The following RASGRF1 variants were observed in gnomAD, a reference collection of about 807,000 sequenced individuals.
RASGRF1 encodes the protein ras-specific guanine nucleotide-releasing factor 1.
A neutral mutation model predicts 138.7 loss-of-function variants in RASGRF1; 40 were observed. The observed-to-expected ratio is 0.29, with a 90% CI of 0.22 to 0.38. RASGRF1 has a LOEUF of 0.38. Ranked by LOEUF, RASGRF1 falls within the 10% of genes least tolerant of loss-of-function variation. The pLI, the probability that RASGRF1 is intolerant of heterozygous loss-of-function variation, is 1.00. For missense variants in RASGRF1, 1,108 were observed against 1,650.4 expected (o/e 0.67, Z 5.69); for synonymous variants, 614 against 663.2 (o/e 0.93, Z 1.14).
Position 79,090,254 on chromosome 15 carries a change from G to A in RASGRF1, c.245C>T (p.Ala82Val), listed in dbSNP as rs1009263806. 3.1e-6 allele frequency: 5 copies of A among 1,609,670 alleles called. No homozygotes were observed. The highest frequency in any genetic ancestry group is 4.2e-6 in the Non-Finnish European group (5 of 1,178,780). ...CTCCAGCGGCTCCTTGGCCGACAGC[G>A]CCGGCTTGGGGGAGGGCGCGCGGTC... ...VCDRAPSPKP[A>V]LSAKEPLEKQ... is the part of the protein sequence containing the mutation. The change falls in exon 1 of 27, where the codon GCG becomes GTG. Residue 82 changes from alanine (A) to valine (V), a missense_variant. Ala to Val is a moderately conservative substitution (Grantham distance 64, BLOSUM62 0). Around this residue, in one of 3 missense-constraint regions of RASGRF1, gnomAD observed 253 missense variants for 329.5 expected, o/e 0.77. Transcript: ENST00000558480.
intron 3 of RASGRF1, among the ~76,000 whole-genome samples, chr15:79,052,839 G>A (rs978767181): frequency 6.6e-6 from 1 of 152,206 alleles, no homozygotes; most frequent in Non-Finnish European, 1.5e-5. Context: ...ATGGGGAGCA[G>A]GGCCACAGCA....
intron 1 of RASGRF1, among the ~76,000 whole-genome samples, chr15:79,082,973 C>G (rs796313355): frequency 6.6e-6 from 1 of 152,152 alleles, no homozygotes; most frequent in Admixed American, 6.5e-5. Context: ...CTGATAACAC[C>G]TATTGCGCTG....
chr15:79,029,519 G>C (rs984273714), intron 8 of RASGRF1, among the ~76,000 whole-genome samples: 6 of 152,150 alleles, frequency 3.9e-5, no homozygotes, highest in African/African-American at 1.4e-4. Context: ...CAGCTGGGGA[G>C]CTCTGGGAAG....
At chr15:79,023,485 C>T (rs954061042) in intron 10 of RASGRF1, among the ~76,000 whole-genome samples, 1 of 152,050 alleles carries the variant, frequency 6.6e-6, no homozygotes. Flanking sequence ...TGGGCTGTGT[C>T]GGGGGACAGG....
At chr15:78,981,481 G>A (rs775939384) in intron 23 of RASGRF1, 3 of 152,248 alleles carry the variant, frequency 2.0e-5, no homozygotes, top group Non-Finnish European at 2.9e-5. Flanking sequence ...ATGTGGCTGA[G>A]AAACCGCGGG....
At chr15:79,004,599 A>G in intron 14 of RASGRF1, 1 of 976,664 alleles carries the variant, frequency 1.0e-6, no homozygotes, top group South Asian at 4.7e-5. Context: ...GCTCAGAGAC[A>G]GGAAATGACT....
At chr15:78,977,405 T>G (rs1596315827) in intron 24 of RASGRF1, among the ~76,000 whole-genome samples, 1 of 151,870 alleles carries the variant, frequency 6.6e-6, no homozygotes, top group African/African-American at 2.4e-5. Flanking sequence ...AGGTACAGGG[T>G]GATCAGGTAA....
chr15:78,980,138 A>G (rs1405384116), intron 24 of RASGRF1: 2 of 152,714 alleles, frequency 1.3e-5, no homozygotes, highest in African/African-American at 4.8e-5. Context: ...TGCTTTACAA[A>G]CTTTAAGTAT....
intron 22 of RASGRF1, among the ~76,000 whole-genome samples, chr15:78,987,392 A>G (rs1162643240): frequency 6.6e-6 from 1 of 152,136 alleles, no homozygotes; most frequent in Non-Finnish European, 1.5e-5. Flanking sequence ...TATTAGAAAT[A>G]TCTCCTTTAA....
At chr15:79,064,695 C>T (rs2057653331) in intron 1 of RASGRF1, 169 bp from the exon 2 acceptor site, 4 of 646,870 alleles carry the variant, frequency 6.2e-6, no homozygotes, top group East Asian at 2.7e-5. Flanking sequence ...TTCCAGTTCT[C>T]GATTAAAAGG....
chr15:79,085,571 T>TTGA (rs1385468414), intron 1 of RASGRF1, among the ~76,000 whole-genome samples: 3 of 152,140 alleles, frequency 2.0e-5, no homozygotes, highest in Admixed American at 1.3e-4. Context: ...GGCTGAGAGG[T>TTGA]TGAATGTGCT....
chr15:79,014,952 C>CA (rs2056856139), intron 13 of RASGRF1, among the ~76,000 whole-genome samples: 1 of 149,274 alleles, frequency 6.7e-6, no homozygotes, highest in Non-Finnish European at 1.5e-5. Flanking sequence ...AAACAAAAAA[C>CA]AAACAAAACA....
chr15:79,015,550 G>T, intron 12 of RASGRF1, 141 bp from the exon 13 acceptor site: 2 of 734,752 alleles, frequency 2.7e-6, no homozygotes, highest in Non-Finnish European at 4.5e-6. Flanking sequence ...CCTGGCAAAG[G>T]CAGGGTCAGC....
At chr15:78,984,932 G>T in intron 23 of RASGRF1, 75 bp downstream of exon 23, 2 of 1,499,360 alleles carry the variant, frequency 1.3e-6, no homozygotes, top group Non-Finnish European at 1.8e-6. Context: ...ATGCCCAGTG[G>T]CCAGCCCACG....
intron 1 of RASGRF1, among the ~76,000 whole-genome samples, chr15:79,083,251 G>T (rs1736568853): frequency 6.6e-6 from 1 of 152,172 alleles, no homozygotes; most frequent in Admixed American, 6.5e-5. Context: ...AGAGAGTGGG[G>T]GTGTCCACAC....
At chr15:79,007,944 G>A (rs1419738141) in intron 13 of RASGRF1, among the ~76,000 whole-genome samples, 1 of 151,760 alleles carries the variant, frequency 6.6e-6, no homozygotes, top group African/African-American at 2.4e-5. Flanking sequence ...CACGATTCAA[G>A]TGATTCTCCT....
At chr15:79,004,959 T>C (rs2056637972) in intron 14 of RASGRF1, 3 of 984,866 alleles carry the variant, frequency 3.0e-6, no homozygotes, top group South Asian at 9.4e-5. Flanking sequence ...GCCAAGGCCA[T>C]AGGGCTGAGA....
rs371468252 is a variant in RASGRF1 at position 78,963,583 on chromosome 15, C to G, written c.3682-1347G>C. Among the ~76,000 whole-genome samples, 8 of 152,066 alleles carry G rather than the reference C, an allele frequency of 5.3e-5. No individual in the cohort carries two copies. In the South Asian group the frequency reaches 1.5e-3, roughly 28 times the overall value. On this transcript the variant is annotated intron_variant, in intron 26 of 26. Transcript: ENST00000558480. ...TCCTGAAGTGCTGGGATTACAGGTG[C>G]GAGCCACCGTGCCTGGCCAAATTTT...
At position 79,020,634 on chromosome 15, in the gene RASGRF1, G is replaced by C. The variant is rs539919886; in HGVS notation, c.1543-530C>G. On this transcript the variant is annotated intron_variant, in intron 10 of 26. Coordinates refer to ENST00000558480, the MANE Select transcript of RASGRF1 (RefSeq NM_001145648.3). ...AGTGAGTCTGGAGAGAGCCTCAAGG[G>C]CCCGATCCCAGTCCTGGTCAGTTAC... 1.8e-3 allele frequency among the ~76,000 whole-genome samples: 267 copies of C among 152,282 alleles called. 1 individual carries two copies. Among genetic ancestry groups the C allele is most frequent in the Non-Finnish European group, 3.1e-3 (212 of 68,010 alleles).
Sources: gnomAD v4.1 joint callset for allele counts (sites outside exome capture counted in the v4.1 genomes callset) on GRCh38, gnomAD v4.1.1 for gene constraint, gnomAD v4.1.1 regional missense constraint, MANE v1.5 for transcripts, NCBI Gene and HGNC (gene_info 2026-07-23, HGNC 2026-07-21) for gene names.